C12orf42: variants seen among roughly 807,000 people sequenced by gnomAD.
The protein encoded by C12orf42 is uncharacterized protein C12orf42.
Under a neutral mutation model 21.6 loss-of-function variants are expected in C12orf42, and 25 were observed. The ratio of observed to expected loss-of-function variants is 1.16; its 90% CI spans 0.84 to 1.62. The LOEUF is 1.62. Among genes scored for constraint, C12orf42 ranks in the 40% most tolerant of loss-of-function variants. The probability of loss-of-function intolerance (pLI) is 0.00; values close to 1 mark genes in which losing one functional copy is unlikely to be tolerated. For synonymous variants in C12orf42, 174 were observed against 175.0 expected, an observed-to-expected ratio of 0.99 and a Z score of 0.05; for missense variants, 483 against 459.3, an observed-to-expected ratio of 1.05 and a Z score of -0.47.
At chr12:103,514,078 G>C in the C12orf42 span, among the ~76,000 whole-genome samples, 3 of 152,302 alleles carry the variant, frequency 2.0e-5, no homozygotes, top group African/African-American at 7.2e-5. Flanking sequence ...CGGCAGAAAA[G>C]CAAGTAAATA....
At chr12:103,479,884 A>G (rs1301606070) in intron 1 of C12orf42, among the ~76,000 whole-genome samples, 3 of 152,030 alleles carry the variant, frequency 2.0e-5, no homozygotes, top group African/African-American at 7.2e-5. Context: ...TTCAATGATC[A>G]CAAGTGAAAT....
At chr12:103,507,248 A>AT in the C12orf42 span, among the ~76,000 whole-genome samples, 5 of 53,630 alleles carry the variant, frequency 9.3e-5, no homozygotes, top group African/African-American at 6.1e-4. Flanking sequence ...TATTATATAT[A>AT]ATATATAAAT....
chr12:103,271,772 AT>A (rs1212323224), intron 5 of C12orf42, among the ~76,000 whole-genome samples: 1 of 152,184 alleles, frequency 6.6e-6, no homozygotes, highest in Non-Finnish European at 1.5e-5. Context: ...TGCAACGATT[AT>A]TCATTTTCAA....
intron 2 of C12orf42, 113 bp downstream of exon 2, chr12:103,478,236 A>G: frequency 1.5e-6 from 1 of 663,606 alleles, no homozygotes; most frequent in Admixed American, 3.4e-5. Flanking sequence ...TAAGAGGATT[A>G]TCTAAAATAT....
chr12:103,119,283 A>G, the C12orf42 span, among the ~76,000 whole-genome samples: 1 of 152,240 alleles, frequency 6.6e-6, no homozygotes, highest in African/African-American at 2.4e-5. Flanking sequence ...TATCTACTTC[A>G]GCAGTCATTG....
the C12orf42 span, among the ~76,000 whole-genome samples, chr12:103,509,244 A>G: frequency 0.027 from 4,131 of 152,280 alleles, 157 homozygotes; most frequent in East Asian, 0.18. Flanking sequence ...CTTATGCTTC[A>G]ATGATGCAAT....
At chr12:103,125,151 T>C in the C12orf42 span, among the ~76,000 whole-genome samples, 1 of 152,224 alleles carries the variant, frequency 6.6e-6, no homozygotes, top group South Asian at 2.1e-4. Flanking sequence ...TTCTGTTTTT[T>C]GGTCCTTTTC....
At chr12:103,154,583 T>C in the C12orf42 span, among the ~76,000 whole-genome samples, 1 of 152,078 alleles carries the variant, frequency 6.6e-6, no homozygotes, top group African/African-American at 2.4e-5. Flanking sequence ...AAAATACTTA[T>C]GATAGAATGT....
chr12:103,155,440 G>C, the C12orf42 span, among the ~76,000 whole-genome samples: 39 of 152,026 alleles, frequency 2.6e-4, 2 homozygotes, highest in Non-Finnish European at 1.5e-5. Flanking sequence ...TAATAACAAA[G>C]AAAGCAGAAA....
At chr12:103,097,552 A>T in the C12orf42 span, among the ~76,000 whole-genome samples, 1 of 152,238 alleles carries the variant, frequency 6.6e-6, no homozygotes, top group Non-Finnish European at 1.5e-5. Context: ...GAGAAAATAT[A>T]GAAAAATGCC....
intron 1 of C12orf42, among the ~76,000 whole-genome samples, chr12:103,491,705 T>A (rs1955197319): frequency 6.6e-6 from 1 of 152,248 alleles, no homozygotes. Flanking sequence ...TTGTGAGTTA[T>A]CTTCAGTCAA....
intron 4 of C12orf42, among the ~76,000 whole-genome samples, chr12:103,280,015 T>C (rs187575931): frequency 8.5e-5 from 13 of 152,314 alleles, no homozygotes; most frequent in African/African-American, 3.1e-4. Context: ...TGAACACTGA[T>C]AGAGGCATTA....
In C12orf42 at chr12:103,368,441, C is replaced by G. The variant is rs2137884947; in HGVS notation, c.259+446G>C. The stretch of plus-strand genomic sequence containing the variant: ...TGACTGGTGTATTCCATTCTCCCAG[C>G]TACCTAGATTCCAGGGGTGAACATA... On this transcript the variant is annotated intron_variant, in intron 4 of 5. Coordinates refer to ENST00000548883, the MANE Select transcript of C12orf42 (RefSeq NM_198521.5). Among the ~76,000 whole-genome samples the G allele has an allele frequency of 1.3e-5, 2 of 152,094 alleles. 1 individual carries two copies. The highest frequency in any genetic ancestry group is 1.3e-4 in the Admixed American group (2 of 15,252).
chr12:103,352,863 T>TGG (rs1318462574), intron 4 of C12orf42, among the ~76,000 whole-genome samples: 1 of 152,158 alleles, frequency 6.6e-6, no homozygotes, highest in African/African-American at 2.4e-5. Flanking sequence ...TAACAATACC[T>TGG]GGCACATAGT....
the C12orf42 span, among the ~76,000 whole-genome samples, chr12:103,162,438 A>G: frequency 6.6e-6 from 1 of 152,086 alleles, no homozygotes; most frequent in Non-Finnish European, 1.5e-5. Context: ...CCATAGTGAA[A>G]TGGCCCTTTA....
At chr12:103,243,021 G>A (rs2136172908) in intron 10 of C12orf42, among the ~76,000 whole-genome samples, 1 of 152,026 alleles carries the variant, frequency 6.6e-6, no homozygotes, top group Non-Finnish European at 1.5e-5. Context: ...AACTCCAAAT[G>A]TTATGGGAAA....
intron 4 of C12orf42, among the ~76,000 whole-genome samples, chr12:103,319,983 G>A (rs529637716): frequency 4.5e-4 from 68 of 152,270 alleles, no homozygotes; most frequent in Middle Eastern, 3.4e-3. Flanking sequence ...CAACAAAAGG[G>A]AGGTCCTGAA....
At chr12:103,084,014 C>T in the C12orf42 span, among the ~76,000 whole-genome samples, 1 of 152,166 alleles carries the variant, frequency 6.6e-6, no homozygotes, top group African/African-American at 2.4e-5. Flanking sequence ...ATGATAACTG[C>T]AGTTTTCAAT....
At chr12:103,249,002 T>C (rs1043879509) in intron 10 of C12orf42, among the ~76,000 whole-genome samples, 1 of 152,050 alleles carries the variant, frequency 6.6e-6, no homozygotes, top group African/African-American at 2.4e-5. Context: ...GTCCACAGTT[T>C]AGTGGGTAAG....
Sources: allele counts gnomAD v4.1 joint callset (sites outside exome capture counted in the v4.1 genomes callset), GRCh38; gene constraint gnomAD v4.1.1; transcripts MANE v1.5; gene names NCBI Gene and HGNC (gene_info 2026-07-23, HGNC 2026-07-21).